The following TEX11 variants were observed in gnomAD, a reference collection of about 807,000 sequenced individuals.
The protein encoded by TEX11 is testis expressed 11, also known as testis-expressed protein 11.
A neutral mutation model predicts 84.4 loss-of-function variants in TEX11; 7 were observed. The ratio of observed to expected loss-of-function variants is 0.08; its 90% confidence interval spans 0.05 to 0.16. The LOEUF (loss-of-function observed/expected upper bound fraction) is 0.16. TEX11 is among the 10% of genes least tolerant of loss of function. The pLI, the probability that TEX11 is intolerant of heterozygous loss-of-function variation, is 1.00. For missense variants in TEX11, 551 were observed against 660.5 expected (o/e 0.83, Z 1.82); for synonymous variants, 264 against 222.8 (o/e 1.18, Z -1.64).
intron 9 of TEX11, among the ~76,000 whole-genome samples, chrX:70,760,353 A>G (rs1474000980): frequency 3.6e-5 from 4 of 111,834 alleles, no homozygotes; most frequent in Admixed American, 1.9e-4. Context: ...ATGCTACCTG[A>G]CTTCAAACTA....
chrX:70,658,144 G>A (rs1015994093), intron 16 of TEX11, among the ~76,000 whole-genome samples: 1 of 111,639 alleles, frequency 9.0e-6, no homozygotes, highest in African/African-American at 3.3e-5. Context: ...GTGGGGCGTC[G>A]TGACTCACAT....
intron 9 of TEX11, among the ~76,000 whole-genome samples, chrX:70,801,091 C>A (rs945725813): frequency 2.7e-5 from 3 of 111,300 alleles, no homozygotes; most frequent in Admixed American, 1.9e-4. Context: ...AACACCAAAG[C>A]TCAAGTTTAG....
chrX:70,811,788 A>AT (rs1030845288), intron 8 of TEX11, among the ~76,000 whole-genome samples: 3 of 110,904 alleles, frequency 2.7e-5, no homozygotes, highest in Admixed American at 1.9e-4. Flanking sequence ...GATGATGAGC[A>AT]TTTTTTCATG....
At chrX:70,728,406 T>C (rs1371574119) in intron 11 of TEX11, among the ~76,000 whole-genome samples, 1 of 113,035 alleles carries the variant, frequency 8.8e-6, no homozygotes, top group Non-Finnish European at 1.9e-5. Flanking sequence ...GGGAATTCCC[T>C]TTCCTAGTCA....
chrX:70,531,275 T>C (rs2087885109), intron 28 of TEX11, among the ~76,000 whole-genome samples: 1 of 111,268 alleles, frequency 9.0e-6, no homozygotes, highest in East Asian at 2.8e-4. Flanking sequence ...TGAATCAATA[T>C]CCAGTCAGAT....
intron 17 of TEX11, among the ~76,000 whole-genome samples, chrX:70,631,028 T>C (rs1203335932): frequency 1.8e-5 from 2 of 112,306 alleles, no homozygotes; most frequent in South Asian, 7.4e-4. Flanking sequence ...CTGGTAGAAC[T>C]GCAAGAAGAA....
chrX:70,837,836 T>TGTG (rs2147836924), intron 7 of TEX11, among the ~76,000 whole-genome samples: 1 of 111,785 alleles, frequency 8.9e-6, no homozygotes, highest in Admixed American at 9.5e-5. Context: ...GTATCTTGAT[T>TGTG]GTGGTGGTGG....
At chrX:70,691,140 G>A (rs954339345) in intron 13 of TEX11, among the ~76,000 whole-genome samples, 4 of 112,002 alleles carry the variant, frequency 3.6e-5, no homozygotes, top group Non-Finnish European at 5.6e-5. Flanking sequence ...TGTTAGGATG[G>A]CTATTGTGAA....
chrX:70,649,079 G>A (rs970381304), intron 17 of TEX11, among the ~76,000 whole-genome samples: 3 of 111,765 alleles, frequency 2.7e-5, no homozygotes, highest in Non-Finnish European at 5.6e-5. Context: ...AGTATTCCAC[G>A]GTGTATATGT....
intron 16 of TEX11, among the ~76,000 whole-genome samples, chrX:70,669,883 C>A (rs1252019102): frequency 1.8e-5 from 2 of 112,443 alleles, no homozygotes; most frequent in African/African-American, 6.5e-5. Flanking sequence ...AAGCTTTTAT[C>A]TTCTTTACCT....
At chrX:70,888,470 A>C (rs1471309755) in intron 2 of TEX11, among the ~76,000 whole-genome samples, 1 of 112,374 alleles carries the variant, frequency 8.9e-6, no homozygotes, top group Non-Finnish European at 1.9e-5. Flanking sequence ...AGCAAAATTG[A>C]TCAAGCAAAA....
chrX:70,704,747 G>A lies in TEX11; in HGVS notation c.1004+17871C>T, dbSNP rs768957906. On this transcript the variant is annotated intron_variant, in intron 13 of 29. Transcript: ENST00000374333. ...TCACTTCTTTCCATTTCCTATTCTGGAATCTGAGAGAAACATTCCTTACTT... is the reference window on the plus strand; with the variant it reads ...TCACTTCTTTCCATTTCCTATTCTGAAATCTGAGAGAAACATTCCTTACTT... Among the ~76,000 whole-genome samples the A allele has an allele frequency of 7.3e-5, 8 of 109,821 alleles. No individual in the cohort carries two copies. In the South Asian group the frequency reaches 2.8e-3, roughly 38 times the overall value.
At chrX:70,897,220 T>C (rs1373166666) in intron 2 of TEX11, among the ~76,000 whole-genome samples, 1 of 58,767 alleles carries the variant, frequency 1.7e-5, no homozygotes, top group African/African-American at 4.6e-5. Context: ...ATATAACATA[T>C]ATATATGTTT....
At chrX:70,515,198 C>T in the TEX11 span, among the ~76,000 whole-genome samples, 2 of 111,600 alleles carry the variant, frequency 1.8e-5, no homozygotes, top group Non-Finnish European at 3.8e-5. Flanking sequence ...ATACATGTGC[C>T]ATGTTGGTGC....
chrX:70,705,439 A>C (rs2090364628), intron 13 of TEX11, among the ~76,000 whole-genome samples: 1 of 111,862 alleles, frequency 8.9e-6, no homozygotes, highest in Non-Finnish European at 1.9e-5. Context: ...CAATGGCAAC[A>C]AAAGCCAAAA....
chrX:70,659,691 T>TTA (rs1265188690), intron 16 of TEX11, among the ~76,000 whole-genome samples: 1 of 112,127 alleles, frequency 8.9e-6, no homozygotes, highest in Non-Finnish European at 1.9e-5. Flanking sequence ...GATCCAATGA[T>TTA]TATATTATTA....
At chrX:70,585,129 G>A (rs770377528) in intron 25 of TEX11, among the ~76,000 whole-genome samples, 3 of 111,897 alleles carry the variant, frequency 2.7e-5, no homozygotes, top group South Asian at 3.7e-4. Context: ...ATGACCCTAC[G>A]TATAGAAAAT....
At chrX:70,875,155 G>A (rs112555221) in intron 3 of TEX11, among the ~76,000 whole-genome samples, 7,453 of 108,292 alleles carry the variant, frequency 0.069, 613 homozygotes, top group African/African-American at 0.23. Context: ...CAGCCTGGGC[G>A]AGACAGAGCG....
intron 2 of TEX11, among the ~76,000 whole-genome samples, chrX:70,894,705 C>A (rs1193593623): frequency 1.8e-5 from 2 of 111,198 alleles, no homozygotes; most frequent in African/African-American, 6.5e-5. Context: ...CGGCTTCATC[C>A]CGGGGATGCA....
Sources: allele counts gnomAD v4.1 joint callset (sites outside exome capture counted in the v4.1 genomes callset), GRCh38; gene constraint gnomAD v4.1.1; transcripts MANE v1.5; gene names NCBI Gene and HGNC (gene_info 2026-07-23, HGNC 2026-07-21).